Variants in MAST3 observed in about 807,000 individuals in gnomAD.
MAST3 encodes the protein microtubule-associated serine/threonine-protein kinase 3.
MAST3 carries 43 observed loss-of-function variants against 127.0 expected under a neutral mutation model. That is an observed-to-expected ratio of 0.34 (90% CI 0.27 to 0.44). The LOEUF is 0.44. Among genes scored for constraint, MAST3 ranks in the 20% least tolerant of loss-of-function variants. The probability of loss-of-function intolerance (pLI) is 1.00; values close to 1 mark genes in which losing one functional copy is unlikely to be tolerated. For synonymous variants in MAST3, 785 were observed against 809.2 expected (o/e 0.97, Z 0.51); for missense variants, 1,390 against 1,919.1 (o/e 0.72, Z 5.15).
rs1371795308 is a variant in MAST3 at position 18,110,010 on chromosome 19, C to G, written c.72-642C>G. On this transcript the variant is annotated intron_variant, in intron 2 of 27. Transcript: ENST00000687212. The surrounding 1 kb of genome is among the most constrained non-coding windows in gnomAD (Gnocchi z 4.3). The stretch of plus-strand genomic sequence containing the variant: ...TCCCTTCCGGGGCGCAGCTCGGGGG[C>G]TCCCAAGCCGGCGGCCTCGGCGTCC... 3 of 985,260 alleles carry G rather than the reference C, an allele frequency of 3.0e-6. No individual in the cohort carries two copies. In the African/African-American group the frequency reaches 5.2e-5, roughly 17 times the overall value. 61.0% of individuals were successfully genotyped at this position (985,260 alleles called of 1,614,324 possible).
rs765040327 is a variant in MAST3, at chr19:18,147,599, A to T, written c.3483A>T (p.Arg1161=). Residue 1161 remains arginine, a synonymous_variant, in exon 27 of 28, where the codon CGA becomes CGT. Transcript: ENST00000687212. The part of the protein sequence containing the change: ...SLSPSPTTPC[R]SPAPDVPADT... ...CCCCCAGCCCCACCACTCCCTGCCG[A>T]AGCCCAGCCCCTGATGTCCCAGCAG... 6 of 1,559,968 alleles carry T rather than the reference A, an allele frequency of 3.8e-6. No homozygotes were observed. The highest frequency in any genetic ancestry group is 3.5e-6 in the Non-Finnish European group (4 of 1,152,408).
chr19:18,127,013 C>T (rs1416465939), intron 11 of MAST3, among the ~76,000 whole-genome samples: 2 of 150,614 alleles, frequency 1.3e-5, no homozygotes, highest in African/African-American at 4.8e-5. Context: ...ATCTCCTGAC[C>T]TCATGATCCG....
chr19:18,141,787 C>T, intron 20 of MAST3, 95 bp from the exon 21 acceptor site: 1 of 1,064,154 alleles, frequency 9.4e-7, no homozygotes. Context: ...AACTCCTGGG[C>T]TCAAGTGATC....
At position 18,150,685 on chromosome 19, in the gene MAST3, T is replaced by C. The variant is rs1392933327; in HGVS notation, c.*959T>C. On this transcript the variant is annotated 3_prime_UTR_variant, in exon 28 of 28. Coordinates refer to ENST00000687212, the MANE Select transcript of MAST3 (RefSeq NM_001393504.1). ...CCATGCCCAGGCAGTGCCTGCTCTA[T>C]ATATAGAGTCTGCCTCCAATCCTGC... is the stretch of plus-strand genomic sequence containing the variant. 1 of 152,292 alleles carries C rather than the reference T, an allele frequency of 6.6e-6. No homozygotes were observed. The highest frequency in any genetic ancestry group is 1.5e-5 in the Non-Finnish European group (1 of 68,082). The allele number at this position is 152,292 out of a possible 1,614,324, so 9.4% of individuals were successfully genotyped here. A position where few individuals can be genotyped will look rare whatever the true frequency, so the allele number is the denominator to read the frequency against.
chr19:18,115,502 G>C (rs1433332694), intron 3 of MAST3, among the ~76,000 whole-genome samples: 1 of 151,962 alleles, frequency 6.6e-6, no homozygotes, highest in African/African-American at 2.4e-5. Context: ...ATCCCCACTT[G>C]GGTCCCCAGA....
chr19:18,131,809 G>A (rs1366426818), intron 14 of MAST3, 100 bp from the exon 15 acceptor site: 22 of 1,368,474 alleles, frequency 1.6e-5, no homozygotes, highest in Non-Finnish European at 2.2e-5. Context: ...TTTTGCAGGA[G>A]GTAAAGCGAG....
intron 9 of MAST3, 54 bp from the exon 10 acceptor site, chr19:18,124,211 C>T (rs2040328382): frequency 6.3e-7 from 1 of 1,589,394 alleles, no homozygotes; most frequent in Non-Finnish European, 8.6e-7. Flanking sequence ...GGGGGGTCCC[C>T]AGGCCAGACG....
intron 15 of MAST3, among the ~76,000 whole-genome samples, chr19:18,132,533 A>G (rs1017327217): frequency 3.3e-5 from 5 of 152,296 alleles, no homozygotes. Flanking sequence ...AGTGCAGGAA[A>G]GCAAGGAAGA....
At chr19:18,124,941 T>G (rs4999423) in intron 11 of MAST3, among the ~76,000 whole-genome samples, 167 bp downstream of exon 11, 8 of 60,390 alleles carry the variant, frequency 1.3e-4, no homozygotes, top group South Asian at 1.5e-3. Flanking sequence ...ACCCCCCCCC[T>G]ACTAAAAATA....
At position 18,137,388 on chromosome 19, in the gene MAST3, G is replaced by T. The variant is rs574527821; in HGVS notation, c.2095+27G>T. 3.7e-6 allele frequency: 6 copies of T among 1,605,180 alleles called. No individual in the cohort carries two copies. The South Asian group carries it at 5.6e-5, about 15-fold the overall frequency. ...TAAGGAGGGATCCCCCTGGAGGGGG[G>T]GCGGGGGGTGCTCTGCCATCCCTCA... is the stretch of plus-strand genomic sequence containing the variant. On this transcript the variant is annotated intron_variant, in intron 19 of 27. Coordinates refer to ENST00000687212, the MANE Select transcript of MAST3 (RefSeq NM_001393504.1).
intron 3 of MAST3, among the ~76,000 whole-genome samples, chr19:18,116,281 T>C (rs959198034): frequency 1.3e-5 from 2 of 150,970 alleles, no homozygotes; most frequent in African/African-American, 4.9e-5. Flanking sequence ...CTTTTATTTC[T>C]TTTATTTTTT....
chr19:18,138,530 C>T (rs1240865948), intron 19 of MAST3, among the ~76,000 whole-genome samples: 1 of 152,076 alleles, frequency 6.6e-6, no homozygotes, highest in Non-Finnish European at 1.5e-5. Context: ...TGGAGTCTTG[C>T]TCTGTCACCC....
chr19:18,116,637 A>G (rs989644989), intron 3 of MAST3, among the ~76,000 whole-genome samples: 1 of 132,512 alleles, frequency 7.5e-6, no homozygotes, highest in African/African-American at 2.7e-5. Flanking sequence ...TGGCTGGGCA[A>G]GGTGGCTCAC....
At chr19:18,147,116 T>G in intron 26 of MAST3, 72 bp downstream of exon 26, 1 of 1,297,216 alleles carries the variant, frequency 7.7e-7, no homozygotes. Flanking sequence ...TTTTTTTTTT[T>G]TTTTTGAGAC....
At chr19:18,129,749 A>T (rs1215217343) in intron 13 of MAST3, among the ~76,000 whole-genome samples, 2 of 151,266 alleles carry the variant, frequency 1.3e-5, no homozygotes, top group South Asian at 4.2e-4. Context: ...ACATGGCAAA[A>T]CTCCATCAAT....
intron 21 of MAST3, 123 bp from the exon 22 acceptor site, chr19:18,143,640 C>T (rs554453184): frequency 3.8e-5 from 47 of 1,244,180 alleles, no homozygotes; most frequent in Non-Finnish European, 4.7e-5. Context: ...AGAAGGAACT[C>T]GTCCTGTCTA....
Position 18,145,324 on chromosome 19 carries a change from G to T in MAST3, c.3039+95G>T. The T allele has an allele frequency of 8.1e-7, 1 of 1,240,708 alleles. No homozygotes were observed. The highest frequency in any genetic ancestry group is 2.3e-5 in the East Asian group (1 of 42,868). The allele number at this position is 1,240,708 out of a possible 1,614,324, so 76.9% of individuals were successfully genotyped here. A position where few individuals can be genotyped will look rare whatever the true frequency, so the allele number is the denominator to read the frequency against. Reference sequence around the variant, plus strand: ...GAGCTGCATTTTGGAGCCTGGCAGGGTTAGGTAGATAGAGCTGGTGCCACC... The same window carrying T: ...GAGCTGCATTTTGGAGCCTGGCAGGTTTAGGTAGATAGAGCTGGTGCCACC... On this transcript the variant is annotated intron_variant, in intron 24 of 27. Transcript: ENST00000687212. This position sits in a 1 kb window ranked among gnomAD's most constrained non-coding sequence, Gnocchi z 5.9.
chr19:18,127,369 G>A (rs1443801992), intron 11 of MAST3, among the ~76,000 whole-genome samples: 3 of 152,014 alleles, frequency 2.0e-5, no homozygotes, highest in South Asian at 2.1e-4. Context: ...CCAACATGGT[G>A]AAACCCTGTC....
intron 1 of MAST3, chr19:18,099,069 G>A (rs1013308501): frequency 1.4e-4 from 34 of 245,382 alleles, no homozygotes; most frequent in African/African-American, 7.1e-4. Flanking sequence ...GGACTGAGCA[G>A]GTGGGGTGGG....
Sources: allele counts gnomAD v4.1 joint callset (sites outside exome capture counted in the v4.1 genomes callset), GRCh38; gene constraint gnomAD v4.1.1; non-coding constraint Gnocchi (gnomAD v3.1); transcripts MANE v1.5; gene names NCBI Gene and HGNC (gene_info 2026-07-23, HGNC 2026-07-21).